PPP1R12B: variants seen among roughly 807,000 people sequenced by gnomAD.
PPP1R12B encodes myosin phosphatase target subunit 2.
In PPP1R12B, 76 loss-of-function variants were observed where a neutral mutation model predicts 126.1. That is an observed-to-expected ratio of 0.60 (90% confidence interval 0.50 to 0.73). PPP1R12B has a LOEUF of 0.73. Ranked by LOEUF, PPP1R12B falls within the 30% of genes least tolerant of loss-of-function variation. The pLI, the probability that PPP1R12B is intolerant of heterozygous loss-of-function variation, is 0.00. For synonymous variants in PPP1R12B, 356 were observed against 434.7 expected (o/e 0.82, Z 2.25); for missense variants, 1,052 against 1,205.1 (o/e 0.87, Z 1.88).
chr1:202,527,209 G>A (rs557728075), intron 18 of PPP1R12B: 1 of 152,318 alleles, frequency 6.6e-6, no homozygotes, highest in East Asian at 1.9e-4. Context: ...TGACTGCAGT[G>A]TTCTAGGACT....
chr1:202,528,316 C>T (rs1470172515), intron 18 of PPP1R12B, among the ~76,000 whole-genome samples: 1 of 152,222 alleles, frequency 6.6e-6, no homozygotes, highest in African/African-American at 2.4e-5. Context: ...GGGCACTCAT[C>T]TGTTAGCTCT....
intron 2 of PPP1R12B, among the ~76,000 whole-genome samples, chr1:202,420,055 G>A (rs1232115813): frequency 1.3e-5 from 2 of 152,234 alleles, no homozygotes; most frequent in African/African-American, 4.8e-5. Context: ...CATAGAACCT[G>A]TGGAGATATT....
At chr1:202,353,901 C>G (rs538721556) in intron 1 of PPP1R12B, among the ~76,000 whole-genome samples, 1 of 152,214 alleles carries the variant, frequency 6.6e-6, no homozygotes, top group South Asian at 2.1e-4. Context: ...GTAGGAGCCA[C>G]TATGCCTGGC....
chr1:202,462,518 G>C (rs1674444986), intron 13 of PPP1R12B, among the ~76,000 whole-genome samples: 1 of 152,112 alleles, frequency 6.6e-6, no homozygotes, highest in Non-Finnish European at 1.5e-5. Context: ...ACCTCTGATA[G>C]TTCTATCCCA....
intron 18 of PPP1R12B, among the ~76,000 whole-genome samples, chr1:202,530,672 G>A (rs541767607): frequency 1.3e-5 from 2 of 152,144 alleles, no homozygotes; most frequent in Non-Finnish European, 2.9e-5. Flanking sequence ...TAAAGTTATT[G>A]TGAGCTCCAT....
At chr1:202,452,796 A>T (rs1673172079) in intron 13 of PPP1R12B, among the ~76,000 whole-genome samples, 1 of 150,142 alleles carries the variant, frequency 6.7e-6, no homozygotes, top group African/African-American at 2.5e-5. Context: ...CTTCCTTTCC[A>T]ATTTGTATGT....
Position 202,584,591 on chromosome 1 carries a change from C to G in PPP1R12B, c.*4031C>G, listed in dbSNP as rs1031967956. 3.9e-5 allele frequency: 6 copies of G among 152,360 alleles called. No individual in the cohort carries two copies. Among genetic ancestry groups the G allele is most frequent in the African/African-American group, 1.4e-4 (6 of 41,578 alleles). 9.4% of individuals were successfully genotyped at this position (152,360 alleles called of 1,614,324 possible). On this transcript the variant is annotated 3_prime_UTR_variant, in exon 24 of 24. Coordinates refer to ENST00000608999, the MANE Select transcript of PPP1R12B (RefSeq NM_002481.4). ...TCTCCTAGCCACAGACAGACACTGT[C>G]TCCTCTCAGAGAAAGGCCAGTGTTT... is the stretch of plus-strand genomic sequence containing the variant.
At chr1:202,425,079 G>A (rs905078173) in intron 3 of PPP1R12B, among the ~76,000 whole-genome samples, 22 of 152,260 alleles carry the variant, frequency 1.4e-4, no homozygotes, top group Non-Finnish European at 5.9e-5. Flanking sequence ...CCAGGATATC[G>A]GAGTTCTAGC....
rs746744752 is a variant in PPP1R12B, at chr1:202,580,593, A to T, written c.*33A>T. On this transcript the variant is annotated 3_prime_UTR_variant, in exon 24 of 24. Coordinates refer to ENST00000608999, the MANE Select transcript of PPP1R12B (RefSeq NM_002481.4). Reference sequence around the variant, plus strand: ...TCCAGATTTATGAGGAAAGAAAGGGACAGCATTTGCTGCCCCCACCCCTCT... The same window carrying T: ...TCCAGATTTATGAGGAAAGAAAGGGTCAGCATTTGCTGCCCCCACCCCTCT... 1.9e-6 allele frequency: 3 copies of T among 1,538,526 alleles called. No homozygotes were observed. The highest frequency in any genetic ancestry group is 1.4e-5 in the African/African-American group (1 of 73,372).
chr1:202,430,962 CAA>C (rs1455180070), intron 7 of PPP1R12B, 152 bp downstream of exon 7: 10 of 1,170,116 alleles, frequency 8.5e-6, no homozygotes, highest in Non-Finnish European at 1.1e-5. Context: ...CTTTGTGGGA[CAA>C]GAGAGTGGCA....
intron 11 of PPP1R12B, 67 bp downstream of exon 11, chr1:202,440,855 G>A: frequency 1.5e-6 from 2 of 1,322,794 alleles, no homozygotes; most frequent in Non-Finnish European, 2.2e-6. Flanking sequence ...GTCATCTCCT[G>A]GGCATTACTC....
chr1:202,400,671 A>G (rs904665975), intron 1 of PPP1R12B, among the ~76,000 whole-genome samples: 1 of 152,272 alleles, frequency 6.6e-6, no homozygotes, highest in East Asian at 1.9e-4. Context: ...AGCAATATGC[A>G]TGAGCAGTTA....
intron 18 of PPP1R12B, among the ~76,000 whole-genome samples, chr1:202,555,509 A>G (rs1172152048): frequency 6.6e-6 from 1 of 151,782 alleles, no homozygotes; most frequent in African/African-American, 2.4e-5. Context: ...ACATTTCAAG[A>G]AAAAGTCAGC....
intron 1 of PPP1R12B, among the ~76,000 whole-genome samples, chr1:202,416,303 G>C (rs1050473419): frequency 2.4e-4 from 36 of 152,074 alleles, no homozygotes; most frequent in African/African-American, 8.7e-4. Context: ...GAGGTGGGTG[G>C]ATGACCTGAG....
chr1:202,466,437 C>T (rs1259307648), intron 13 of PPP1R12B, among the ~76,000 whole-genome samples: 2 of 151,890 alleles, frequency 1.3e-5, no homozygotes, highest in African/African-American at 2.4e-5. Flanking sequence ...CTGATTGCTC[C>T]TTCTTTGTGT....
chr1:202,568,198 A>G (rs533303400), intron 22 of PPP1R12B, among the ~76,000 whole-genome samples: 1 of 151,744 alleles, frequency 6.6e-6, no homozygotes, highest in East Asian at 1.9e-4. Context: ...ACACACACAC[A>G]TCCAAGGTCT....
At chr1:202,516,426 A>G (rs1682153802) in intron 18 of PPP1R12B, among the ~76,000 whole-genome samples, 2 of 152,214 alleles carry the variant, frequency 1.3e-5, no homozygotes, top group African/African-American at 4.8e-5. Flanking sequence ...GCTGAAGAGT[A>G]TCTCGTAGGT....
At chr1:202,372,236 G>A (rs984123899) in intron 1 of PPP1R12B, among the ~76,000 whole-genome samples, 9 of 152,012 alleles carry the variant, frequency 5.9e-5, no homozygotes, top group African/African-American at 2.2e-4. Flanking sequence ...GGTTCCAGTG[G>A]CTCTTATCTG....
chr1:202,382,731 G>A, intron 1 of PPP1R12B, among the ~76,000 whole-genome samples: 1 of 151,756 alleles, frequency 6.6e-6, no homozygotes. Context: ...AAAAAAATTA[G>A]CCAGGCTGGT....
Sources: allele counts gnomAD v4.1 joint callset (sites outside exome capture counted in the v4.1 genomes callset), GRCh38; gene constraint gnomAD v4.1.1; transcripts MANE v1.5; gene names NCBI Gene and HGNC (gene_info 2026-07-23, HGNC 2026-07-21).